The following ABTB3 variants were observed in gnomAD, a reference collection of about 807,000 sequenced individuals.
The protein encoded by ABTB3 is ankyrin repeat- and BTB/POZ domain-containing protein 3.
chr12:107,418,958 C>T, the ABTB3 span, among the ~76,000 whole-genome samples: 1 of 152,148 alleles, frequency 6.6e-6, no homozygotes, highest in Non-Finnish European at 1.5e-5. Flanking sequence ...TCAAGTATCC[C>T]TACTTGCCCA....
chr12:107,404,545 C>T, the ABTB3 span, among the ~76,000 whole-genome samples: 1 of 152,134 alleles, frequency 6.6e-6, no homozygotes, highest in East Asian at 1.9e-4. Context: ...CCAAGACTGC[C>T]TTTGAAAGCG....
At chr12:107,657,541 C>T in the ABTB3 span, 49 of 1,614,140 alleles carry the variant, frequency 3.0e-5, no homozygotes, top group Admixed American at 6.7e-5. Flanking sequence ...CAGCATATTG[C>T]GAAGGCTACT....
At chr12:107,514,056 T>C in the ABTB3 span, among the ~76,000 whole-genome samples, 1 of 152,366 alleles carries the variant, frequency 6.6e-6, no homozygotes. Flanking sequence ...GTATATTATC[T>C]TGTTTAATCC....
At chr12:107,361,078 C>G in the ABTB3 span, among the ~76,000 whole-genome samples, 3 of 151,866 alleles carry the variant, frequency 2.0e-5, no homozygotes, top group Non-Finnish European at 4.4e-5. Context: ...GTGTGAGCCA[C>G]TGTACCTGGC....
chr12:107,557,036 A>G, the ABTB3 span, among the ~76,000 whole-genome samples: 1 of 152,058 alleles, frequency 6.6e-6, no homozygotes, highest in Non-Finnish European at 1.5e-5. Context: ...TATAATGATA[A>G]TCAAATCACT....
chr12:107,544,370 A>G, the ABTB3 span, among the ~76,000 whole-genome samples: 2 of 152,140 alleles, frequency 1.3e-5, no homozygotes, highest in East Asian at 3.9e-4. Context: ...GGCCTATGTC[A>G]GATAAGTGGG....
the ABTB3 span, chr12:107,612,703 T>C: frequency 7.4e-7 from 1 of 1,343,914 alleles, no homozygotes; most frequent in Non-Finnish European, 1.0e-6. Context: ...ACAAGTAAGA[T>C]TCTCCATTTG....
the ABTB3 span, chr12:107,649,363 G>C: frequency 8.1e-7 from 1 of 1,241,486 alleles, no homozygotes; most frequent in Non-Finnish European, 1.2e-6. Context: ...GCATGGAAGT[G>C]TCTGGAAGGA....
the ABTB3 span, among the ~76,000 whole-genome samples, chr12:107,486,931 G>C: frequency 6.6e-6 from 1 of 152,102 alleles, no homozygotes; most frequent in Admixed American, 6.5e-5. Context: ...TCACACAGCT[G>C]GTAAATAAGT....
the ABTB3 span, among the ~76,000 whole-genome samples, chr12:107,397,633 G>A: frequency 6.6e-6 from 1 of 152,082 alleles, no homozygotes; most frequent in Admixed American, 6.5e-5. Flanking sequence ...TGGTCAAATT[G>A]ATCTTTTCTT....
At chr12:107,554,510 T>C in the ABTB3 span, among the ~76,000 whole-genome samples, 1 of 152,230 alleles carries the variant, frequency 6.6e-6, no homozygotes, top group Non-Finnish European at 1.5e-5. Context: ...AGGGCTGTTA[T>C]TAAGCAGTTT....
At chr12:107,654,650 T>C in the ABTB3 span, among the ~76,000 whole-genome samples, 1 of 152,176 alleles carries the variant, frequency 6.6e-6, no homozygotes, top group Non-Finnish European at 1.5e-5. Context: ...AGTGTAGTAC[T>C]GAGATTTTTG....
At chr12:107,608,983 A>C in the ABTB3 span, among the ~76,000 whole-genome samples, 296 of 95,484 alleles carry the variant, frequency 3.1e-3, 8 homozygotes, top group African/African-American at 0.011. Flanking sequence ...AATAAAATAA[A>C]ATAAAATAAA....
chr12:107,591,869 G>A, the ABTB3 span, among the ~76,000 whole-genome samples: 1 of 152,134 alleles, frequency 6.6e-6, no homozygotes, highest in Admixed American at 6.5e-5. Flanking sequence ...TGGAACTCTG[G>A]GAGGTTAAGA....
the ABTB3 span, among the ~76,000 whole-genome samples, chr12:107,578,395 T>TTTTTTTTTTTTTTTTTTTTTTTC: frequency 7.5e-6 from 1 of 132,792 alleles, no homozygotes; most frequent in Non-Finnish European, 1.6e-5. Context: ...TTTTTTTTTT[T>TTTTTTTTTTTTTTTTTTTTTTTC]TTTTTTTTTT....
chr12:107,497,826 C>T, the ABTB3 span, among the ~76,000 whole-genome samples: 1 of 152,160 alleles, frequency 6.6e-6, no homozygotes, highest in Non-Finnish European at 1.5e-5. Flanking sequence ...GGAAGTGACT[C>T]ATTGACTCAT....
chr12:107,540,721 C>T, the ABTB3 span, among the ~76,000 whole-genome samples: 1 of 152,104 alleles, frequency 6.6e-6, no homozygotes, highest in Non-Finnish European at 1.5e-5. Flanking sequence ...CTGTGGCTCA[C>T]TCATATAATC....
chr12:107,640,477 T>C, the ABTB3 span: 1 of 1,088,170 alleles, frequency 9.2e-7, no homozygotes, highest in Admixed American at 2.3e-5. Flanking sequence ...TACTATTTTT[T>C]GAAGTTCAAT....
the ABTB3 span, among the ~76,000 whole-genome samples, chr12:107,508,024 A>T: frequency 2.0e-5 from 3 of 152,172 alleles, no homozygotes; most frequent in African/African-American, 7.2e-5. Flanking sequence ...TTGAAGTCCT[A>T]ATCTGGCACA....
Sources: gnomAD v4.1 joint callset for allele counts (sites outside exome capture counted in the v4.1 genomes callset) on GRCh38, gnomAD v4.1.1 for gene constraint, MANE v1.5 for transcripts, NCBI Gene and HGNC (gene_info 2026-07-23, HGNC 2026-07-21) for gene names.